Variants in CNTN5 observed in about 807,000 individuals in gnomAD.
CNTN5 encodes contactin-5.
A neutral mutation model predicts 129.1 loss-of-function variants in CNTN5; 77 were observed. The observed-to-expected ratio is 0.60, with a 90% confidence interval of 0.50 to 0.72. The LOEUF is 0.72. Ranked by LOEUF, CNTN5 falls within the 30% of genes least tolerant of loss-of-function variation. The pLI is 0.00. For synonymous variants in CNTN5, 509 were observed against 465.6 expected (o/e 1.09, Z -1.20); for missense variants, 1,478 against 1,328.8 (o/e 1.11, Z -1.75).
chr11:100,234,677 T>A (rs1012088072), intron 16 of CNTN5, among the ~76,000 whole-genome samples: 2 of 150,054 alleles, frequency 1.3e-5, no homozygotes, highest in African/African-American at 4.9e-5. Flanking sequence ...AGGGGAGGGA[T>A]AGCATTAGGA....
intron 3 of CNTN5, among the ~76,000 whole-genome samples, chr11:99,725,491 TG>T (rs1362246635): frequency 1.3e-5 from 2 of 151,808 alleles, no homozygotes; most frequent in Non-Finnish European, 2.9e-5. Flanking sequence ...AATACAGAAG[TG>T]TTTTATAAAA....
intron 9 of CNTN5, chr11:100,003,885 T>G (rs1402088045): frequency 2.0e-5 from 3 of 152,174 alleles, no homozygotes; most frequent in Non-Finnish European, 4.4e-5. Flanking sequence ...CTAAGAAATG[T>G]CACAATTATG....
intron 3 of CNTN5, among the ~76,000 whole-genome samples, chr11:99,591,204 G>T (rs1337354940): frequency 6.6e-6 from 1 of 152,020 alleles, no homozygotes; most frequent in Non-Finnish European, 1.5e-5. Flanking sequence ...GGGAGGTTGG[G>T]ATAGCTTTTT....
intron 3 of CNTN5, among the ~76,000 whole-genome samples, chr11:99,787,526 A>G (rs1945577031): frequency 6.6e-6 from 1 of 151,914 alleles, no homozygotes; most frequent in African/African-American, 2.4e-5. Context: ...CAGAAAAAAA[A>G]AAATGGCCAA....
intron 1 of CNTN5, among the ~76,000 whole-genome samples, chr11:99,243,240 C>T (rs144852082): frequency 2.9e-4 from 44 of 152,200 alleles, no homozygotes; most frequent in Non-Finnish European, 6.2e-4. Context: ...TGATATGGAA[C>T]ATTTTTTCTT....
chr11:99,218,363 C>A (rs1176268532), intron 1 of CNTN5, among the ~76,000 whole-genome samples: 2 of 151,992 alleles, frequency 1.3e-5, no homozygotes. Context: ...TATATACCAA[C>A]CCTCTAGGTC....
At chr11:100,092,429 G>A (rs565281105) in intron 13 of CNTN5, among the ~76,000 whole-genome samples, 8 of 152,180 alleles carry the variant, frequency 5.3e-5, no homozygotes, top group South Asian at 2.1e-4. Context: ...CTGCATTTTC[G>A]TGGTGAATGT....
At chr11:99,815,156 A>G (rs1013122027) in intron 3 of CNTN5, among the ~76,000 whole-genome samples, 3 of 152,158 alleles carry the variant, frequency 2.0e-5, no homozygotes, top group East Asian at 3.9e-4. Flanking sequence ...AAGTCTAACC[A>G]TATTAAATAA....
chr11:99,743,461 CTG>C lies in CNTN5; in HGVS notation c.56-76077_56-76076del, dbSNP rs149335079. On this transcript the variant is annotated intron_variant, in intron 3 of 24. Transcript: ENST00000524871. ...TGCTGAATTCACTGTCCCATAAAAA[CTG>C]TGTGTCGCCTGAACAAGTTATTAAC... Among the ~76,000 whole-genome samples, 4 of 152,286 alleles carry C rather than the reference CTG, an allele frequency of 2.6e-5. No homozygotes were observed. The East Asian group carries it at 5.8e-4, about 22-fold the overall frequency.
intron 16 of CNTN5, among the ~76,000 whole-genome samples, chr11:100,248,807 C>A (rs1451880525): frequency 1.3e-5 from 2 of 152,104 alleles, no homozygotes; most frequent in Admixed American, 6.6e-5. Context: ...AACAATCACA[C>A]CATAAGGACT....
At chr11:99,546,829 G>A (rs1264182432) in intron 2 of CNTN5, among the ~76,000 whole-genome samples, 4 of 151,842 alleles carry the variant, frequency 2.6e-5, no homozygotes, top group East Asian at 1.9e-4. Context: ...GCTTGGACAC[G>A]CAAAGCCCAT....
At chr11:99,114,261 A>T (rs560452241) in intron 1 of CNTN5, among the ~76,000 whole-genome samples, 1 of 152,152 alleles carries the variant, frequency 6.6e-6, no homozygotes. Flanking sequence ...CTAAAATTGG[A>T]TTTACTGGCC....
intron 1 of CNTN5, among the ~76,000 whole-genome samples, chr11:99,091,662 GCTTAGAGCAGAGGAAGGGAA>G (rs1279976576): frequency 1.3e-5 from 2 of 152,156 alleles, no homozygotes; most frequent in African/African-American, 4.8e-5. Flanking sequence ...CGGGGATGCT[GCTTAGAGCAGAGGAAGGGAA>G]CTTACTTTGG....
chr11:99,389,612 A>G (rs1941139563), intron 2 of CNTN5, among the ~76,000 whole-genome samples: 1 of 152,170 alleles, frequency 6.6e-6, no homozygotes, highest in Non-Finnish European at 1.5e-5. Context: ...CCACACAAAC[A>G]TGCACACAGG....
intron 6 of CNTN5, among the ~76,000 whole-genome samples, chr11:99,892,844 G>GT (rs1321865446): frequency 3.3e-5 from 5 of 152,128 alleles, no homozygotes; most frequent in Non-Finnish European, 7.3e-5. Context: ...GTTTAAAGTA[G>GT]TTTTTTCTAA....
chr11:100,330,056 C>G (rs1951873004), intron 21 of CNTN5, among the ~76,000 whole-genome samples: 1 of 152,026 alleles, frequency 6.6e-6, no homozygotes, highest in South Asian at 2.1e-4. Context: ...AAGGTGAAGG[C>G]CAACTTAAAG....
At chr11:99,332,973 G>A (rs1866065818) in intron 2 of CNTN5, among the ~76,000 whole-genome samples, 1 of 151,958 alleles carries the variant, frequency 6.6e-6, no homozygotes, top group Admixed American at 6.6e-5. Flanking sequence ...ATACTTTCAT[G>A]CATCGTAATT....
rs1033674673 is a variant in CNTN5, at chr11:99,495,025, G to T, written c.-70-61120G>T. Among the ~76,000 whole-genome samples, 5 of 152,128 alleles carry T rather than the reference G, an allele frequency of 3.3e-5. No homozygotes were observed. The South Asian group carries it at 1.0e-3, about 32-fold the overall frequency. On this transcript the variant is annotated intron_variant, in intron 2 of 24. Transcript: ENST00000524871. The stretch of plus-strand genomic sequence containing the variant: ...AAAAACACTAAAAAGTGTTGATACA[G>T]GGTCTTAATATTTTTAAATTACCAC...
At chr11:99,983,691 A>G (rs1381444459) in intron 8 of CNTN5, among the ~76,000 whole-genome samples, 1 of 152,190 alleles carries the variant, frequency 6.6e-6, no homozygotes, top group Non-Finnish European at 1.5e-5. Context: ...TCTGTTGAGT[A>G]ATGAAAGCCA....
Sources: gnomAD v4.1 joint callset for allele counts (sites outside exome capture counted in the v4.1 genomes callset) on GRCh38, gnomAD v4.1.1 for gene constraint, MANE v1.5 for transcripts, NCBI Gene and HGNC (gene_info 2026-07-23, HGNC 2026-07-21) for gene names.